Variants in PI4KA observed in about 807,000 individuals in gnomAD.
The protein encoded by PI4KA is phosphatidylinositol 4-kinase alpha.
A neutral mutation model predicts 271.4 loss-of-function variants in PI4KA; 122 were observed. That is an observed-to-expected ratio of 0.45 (90% CI 0.39 to 0.52). The LOEUF (loss-of-function observed/expected upper bound fraction) is 0.52, where lower values mean the gene tolerates loss of function less well. Among genes scored for constraint, PI4KA ranks in the 20% least tolerant of loss-of-function variants. The pLI, the probability that PI4KA is intolerant of heterozygous loss-of-function variation, is 0.00. For missense variants in PI4KA, 1,969 were observed against 2,769.1 expected (o/e 0.71, Z 6.48); for synonymous variants, 1,041 against 1,078.8 (o/e 0.96, Z 0.69).
At chr22:20,752,056 C>T (rs1487778089) in intron 25 of PI4KA, among the ~76,000 whole-genome samples, 2 of 152,204 alleles carry the variant, frequency 1.3e-5, no homozygotes, top group African/African-American at 4.8e-5. Context: ...CCAAAGCAAT[C>T]CTCTTAGTTT....
chr22:20,799,064 A>T, intron 16 of PI4KA, 29 bp downstream of exon 16: 1 of 1,587,824 alleles, frequency 6.3e-7, no homozygotes, highest in Non-Finnish European at 8.6e-7. Flanking sequence ...GCACAGGGTT[A>T]GTGGTGTTCT....
At chr22:20,795,993 A>C (rs763045065) in intron 18 of PI4KA, among the ~76,000 whole-genome samples, 153 bp downstream of exon 18, 3 of 152,194 alleles carry the variant, frequency 2.0e-5, no homozygotes, top group Non-Finnish European at 2.9e-5. Flanking sequence ...ATCCTTGAGA[A>C]AGAACCCCAC....
At position 20,749,963 on chromosome 22, in the gene PI4KA, C is replaced by T; in HGVS notation, c.3185G>A (p.Gly1062Glu). 1 of 1,613,604 alleles carries T rather than the reference C, an allele frequency of 6.2e-7. No homozygotes were observed. Among genetic ancestry groups the T allele is most frequent in the Non-Finnish European group, 8.5e-7 (1 of 1,179,550 alleles). The change falls in exon 28 of 55, where the codon GGG becomes GAG. Residue 1062 changes from glycine (G) to glutamate (E), a missense_variant. Coordinates refer to ENST00000255882, the MANE Select transcript of PI4KA (RefSeq NM_058004.4). The part of the protein sequence containing the change: ...SIVKDFAARC[G>E]MILQEAMKWA... ...CTTCATGGCCTCCTGGAGGATCATC[C>T]CACAGCGTGCAGCGAAGTCCTTCAC...
Position 20,765,584 on chromosome 22 carries a change from C to A in PI4KA, c.2437+1G>T. 6.3e-7 allele frequency: 1 copy of A among 1,582,912 alleles called. No homozygotes were observed. The highest frequency in any genetic ancestry group is 8.7e-7 in the Non-Finnish European group (1 of 1,152,506). Reference sequence around the variant, plus strand: ...CACTGGGAGAGAGATGATCCCCCTACCTGAGCCCTCCACAGCGAATCCCAT... The same window carrying A: ...CACTGGGAGAGAGATGATCCCCCTAACTGAGCCCTCCACAGCGAATCCCAT... On this transcript the variant is annotated splice_donor_variant, in intron 20 of 54. Transcript: ENST00000255882. LOFTEE classifies it high-confidence loss of function.
chr22:20,784,742 G>A (rs901810782), intron 19 of PI4KA, among the ~76,000 whole-genome samples: 4 of 152,054 alleles, frequency 2.6e-5, no homozygotes, highest in African/African-American at 7.2e-5. Context: ...ATTATTATTC[G>A]TTACTTTGTA....
intron 18 of PI4KA, among the ~76,000 whole-genome samples, chr22:20,794,083 C>T (rs1934822838): frequency 1.3e-5 from 2 of 152,228 alleles, no homozygotes; most frequent in South Asian, 4.1e-4. Context: ...ACATATACAC[C>T]TACTATGTAC....
Position 20,796,028 on chromosome 22 carries a change from C to A in PI4KA, c.2277+118G>T, listed in dbSNP as rs560736613. ...CCCCTTCTTACTTGCATTCCAGGCACATTTAAATCATTCACAAAGAAAGTG... is the reference window on the plus strand; with the variant it reads ...CCCCTTCTTACTTGCATTCCAGGCAAATTTAAATCATTCACAAAGAAAGTG... On this transcript the variant is annotated intron_variant, in intron 18 of 54. Transcript: ENST00000255882. The A allele has an allele frequency of 5.5e-5, 51 of 921,930 alleles. No homozygotes were observed. In the South Asian group the frequency reaches 8.0e-4, roughly 14 times the overall value. The allele number at this position is 921,930 out of a possible 1,614,324, so 57.1% of individuals were successfully genotyped here. A position where few individuals can be genotyped will look rare whatever the true frequency, so the allele number is the denominator to read the frequency against.
intron 19 of PI4KA, among the ~76,000 whole-genome samples, chr22:20,775,324 C>T: frequency 6.6e-6 from 1 of 152,202 alleles, no homozygotes; most frequent in East Asian, 1.9e-4. Flanking sequence ...GTTTGTTATA[C>T]TAAATAGCAA....
intron 50 of PI4KA, 109 bp from the exon 51 acceptor site, chr22:20,711,570 C>A (rs1925277307): frequency 8.4e-7 from 1 of 1,195,942 alleles, no homozygotes; most frequent in Non-Finnish European, 1.2e-6. Flanking sequence ...TGGCTCTGTA[C>A]CCCCACTGTG....
intron 3 of PI4KA, among the ~76,000 whole-genome samples, chr22:20,827,174 TTA>T (rs1923531202): frequency 6.6e-6 from 1 of 152,210 alleles, no homozygotes; most frequent in Non-Finnish European, 1.5e-5. Context: ...TCCAGGGTGT[TTA>T]TAGTTTAAGG....
rs774983824 is a variant in PI4KA, at chr22:20,838,738, A to G, written c.157-7T>C. Reference sequence around the variant, plus strand: ...TGCAAAGAAGCTTTTGGACCTAGAAAATGAGACCCCCCCAAAAACAGCTCT... The same window carrying G: ...TGCAAAGAAGCTTTTGGACCTAGAAGATGAGACCCCCCCAAAAACAGCTCT... On this transcript the variant is annotated splice_region_variant and splice_polypyrimidine_tract_variant and intron_variant, in intron 1 of 54. Transcript: ENST00000255882. The G allele has an allele frequency of 6.5e-7, 1 of 1,530,816 alleles. No homozygotes were observed. Among genetic ancestry groups the G allele is most frequent in the East Asian group, 2.2e-5 (1 of 44,458 alleles). 94.8% of individuals were successfully genotyped at this position (1,530,816 alleles called of 1,614,324 possible).
intron 19 of PI4KA, among the ~76,000 whole-genome samples, chr22:20,766,191 G>A (rs1182695802): frequency 6.6e-6 from 1 of 152,188 alleles, no homozygotes; most frequent in Non-Finnish European, 1.5e-5. Flanking sequence ...GAGGCAGGGA[G>A]AGCACAAGAA....
intron 41 of PI4KA, 62 bp from the exon 42 acceptor site, chr22:20,726,603 C>A: frequency 7.0e-7 from 1 of 1,419,076 alleles, no homozygotes; most frequent in Non-Finnish European, 9.5e-7. Flanking sequence ...ACCCTACGGC[C>A]CAGGCCCTGC....
At position 20,824,412 on chromosome 22, in the gene PI4KA, C is replaced by G; in HGVS notation, c.370G>C (p.Ala124Pro). 1.9e-6 allele frequency: 3 copies of G among 1,610,654 alleles called. No homozygotes were observed. Among genetic ancestry groups the G allele is most frequent in the Non-Finnish European group, 1.7e-6 (2 of 1,177,702 alleles). Residue 124 changes from alanine (A) to proline (P), a missense_variant and splice_region_variant, in exon 4 of 55, where the codon GCC becomes CCC. Ala to Pro is a conservative substitution (Grantham distance 27). This residue lies in a region of PI4KA where 540 missense variants were observed against 555.5 expected (regional missense o/e 0.97). Coordinates refer to ENST00000255882, the MANE Select transcript of PI4KA (RefSeq NM_058004.4). Reference sequence around the variant, plus strand: ...CTGAAGCTCTCTGCAACCGGGAGGGCACCTGGAAGATGTAAAAACATAAAT... The same window carrying G: ...CTGAAGCTCTCTGCAACCGGGAGGGGACCTGGAAGATGTAAAAACATAAAT... Reference protein sequence around the residue: ...EESTARKGRGALPVAESFSFC... With the variant: ...EESTARKGRGPLPVAESFSFC...
chr22:20,858,325 C>T (rs531046057), intron 1 of PI4KA, among the ~76,000 whole-genome samples: 3 of 151,976 alleles, frequency 2.0e-5, no homozygotes, highest in African/African-American at 7.3e-5. Flanking sequence ...ACCCCCATCC[C>T]ACAACCACCC....
At chr22:20,819,935 A>G (rs760688111) in intron 5 of PI4KA, 35 bp from the exon 6 acceptor site, 16 of 1,575,502 alleles carry the variant, frequency 1.0e-5, no homozygotes, top group Non-Finnish European at 1.4e-5. Flanking sequence ...CAATATAAGA[A>G]AGTATCCTGA....
Position 20,734,201 on chromosome 22 carries a change from G to A in PI4KA, c.3901-7C>T, listed in dbSNP as rs1235066103. 8.5e-6 allele frequency: 13 copies of A among 1,537,612 alleles called. No individual in the cohort carries two copies. In the East Asian group the frequency reaches 2.2e-4, roughly 26 times the overall value. On this transcript the variant is annotated splice_polypyrimidine_tract_variant and splice_region_variant and intron_variant, in intron 33 of 54. Coordinates refer to ENST00000255882, the MANE Select transcript of PI4KA (RefSeq NM_058004.4). Reference sequence around the variant, plus strand: ...CAAACCGCTGCACCAGGAACTGAGCGAAAAGAGGAAGACGCTGTGGTGGTG... The same window carrying A: ...CAAACCGCTGCACCAGGAACTGAGCAAAAAGAGGAAGACGCTGTGGTGGTG...
intron 19 of PI4KA, among the ~76,000 whole-genome samples, chr22:20,791,656 G>A (rs990272408): frequency 2.6e-5 from 4 of 152,104 alleles, no homozygotes; most frequent in African/African-American, 9.7e-5. Flanking sequence ...TACTTGGAAG[G>A]CTGAGGTGGG....
intron 19 of PI4KA, among the ~76,000 whole-genome samples, chr22:20,771,072 C>T (rs528809579): frequency 2.0e-4 from 30 of 152,146 alleles, no homozygotes; most frequent in African/African-American, 7.2e-4. Context: ...TAAGACAAAC[C>T]TTGAAACTGC....
Sources: allele counts gnomAD v4.1 joint callset (sites outside exome capture counted in the v4.1 genomes callset), GRCh38; gene constraint gnomAD v4.1.1; regional missense constraint gnomAD v4.1.1; transcripts MANE v1.5; gene names NCBI Gene and HGNC (gene_info 2026-07-23, HGNC 2026-07-21).